The following VPS45 variants were observed in gnomAD, a reference collection of about 807,000 sequenced individuals.
VPS45 encodes the protein vacuolar protein sorting 45 homolog.
A neutral mutation model predicts 75.9 loss-of-function variants in VPS45; 35 were observed. The observed-to-expected ratio is 0.46, with a 90% CI of 0.35 to 0.61. VPS45 has a LOEUF of 0.61. VPS45 is among the 20% of genes least tolerant of loss of function. VPS45 has a pLI of 0.00. For missense variants in VPS45, 559 were observed against 685.9 expected (o/e 0.81, Z 2.07); for synonymous variants, 220 against 238.2 (o/e 0.92, Z 0.70).
chr1:150,074,265 C>T lies in VPS45; in HGVS notation c.290-1968C>T, dbSNP rs587629196. ...CTCAAACTCCTGACCTTGGGTGATA[C>T]GCCCGCTTCAGCCTCCCGAAGTACT... On this transcript the variant is annotated intron_variant, in intron 3 of 14. Coordinates refer to ENST00000644510, the MANE Select transcript of VPS45 (RefSeq NM_007259.5). Among the ~76,000 whole-genome samples the T allele has an allele frequency of 7.2e-5, 11 of 152,042 alleles. No individual in the cohort carries two copies. In the South Asian group the frequency reaches 1.7e-3, roughly 23 times the overall value.
At chr1:150,076,811 T>C (rs1655411227) in intron 4 of VPS45, 105 bp from the exon 5 acceptor site, 1 of 1,249,092 alleles carries the variant, frequency 8.0e-7, no homozygotes, top group Non-Finnish European at 1.2e-6. Context: ...TTTACACCTG[T>C]ATTTCACAAA....
intron 10 of VPS45, among the ~76,000 whole-genome samples, chr1:150,084,911 A>G (rs1271436048): frequency 6.6e-6 from 1 of 150,910 alleles, no homozygotes; most frequent in Non-Finnish European, 1.5e-5. Context: ...TCCTCTAAGC[A>G]TGATTTTTTT....
chr1:150,093,427 A>G lies in VPS45; in HGVS notation c.1372-100A>G. The G allele has an allele frequency of 2.3e-6, 3 of 1,295,300 alleles. No individual in the cohort carries two copies. The South Asian group carries it at 5.8e-5, about 25-fold the overall frequency. The allele number at this position is 1,295,300 out of a possible 1,614,324, so 80.2% of individuals were successfully genotyped here. A position where few individuals can be genotyped will look rare whatever the true frequency, so the allele number is the denominator to read the frequency against. ...CAGTTACGTAAATCTATCCCATGAA[A>G]TCTCTATTGAGTGTATGTCCTTTTC... On this transcript the variant is annotated intron_variant, in intron 12 of 14. Transcript: ENST00000644510.
At position 150,118,433 on chromosome 1, in the gene VPS45, T is replaced by C. The variant is rs939018376; in HGVS notation, c.1625+7806T>C. Among the ~76,000 whole-genome samples the C allele has an allele frequency of 4.6e-5, 7 of 151,606 alleles. No homozygotes were observed. The East Asian group carries it at 1.4e-3, about 30-fold the overall frequency. On this transcript the variant is annotated intron_variant, in intron 14 of 14. Coordinates refer to ENST00000644510, the MANE Select transcript of VPS45 (RefSeq NM_007259.5). The stretch of plus-strand genomic sequence containing the variant: ...ACCTTTTGTTTTTTTGGGGACGGAG[T>C]CTTGCTCTGTCGCCCAGGCTGGAGT...
At chr1:150,087,411 A>G (rs1656074308) in intron 10 of VPS45, among the ~76,000 whole-genome samples, 1 of 152,210 alleles carries the variant, frequency 6.6e-6, no homozygotes, top group Non-Finnish European at 1.5e-5. Context: ...CACAAGGCTG[A>G]TGGAAAATTT....
At chr1:150,110,848 T>G (rs1183182220) in intron 14 of VPS45, among the ~76,000 whole-genome samples, 1 of 152,170 alleles carries the variant, frequency 6.6e-6, no homozygotes, top group Non-Finnish European at 1.5e-5. Context: ...GTCAAAGACC[T>G]AGAAAGTAAG....
intron 14 of VPS45, among the ~76,000 whole-genome samples, chr1:150,134,133 A>G (rs1175791742): frequency 2.6e-5 from 4 of 152,216 alleles, no homozygotes; most frequent in Admixed American, 2.0e-4. Context: ...ATTAGTTAGA[A>G]TCAAGGAAAT....
At chr1:150,116,820 T>C (rs1288062388) in intron 14 of VPS45, among the ~76,000 whole-genome samples, 3 of 152,210 alleles carry the variant, frequency 2.0e-5, no homozygotes, top group African/African-American at 7.2e-5. Context: ...TCTCACTATT[T>C]GTAGCCTTAT....
chr1:150,092,329 G>A lies in VPS45; in HGVS notation c.1291G>A (p.Gly431Ser). ...CGTGTCTGCAGTTGTTGAATATGGTGGTAAACGAGTCAGAGGAAGTGACCT... is the reference window on the plus strand; with the variant it reads ...CGTGTCTGCAGTTGTTGAATATGGTAGTAAACGAGTCAGAGGAAGTGACCT... Reference protein sequence around the residue: ...KLVSAVVEYGGKRVRGSDLFS... With the variant: ...KLVSAVVEYGSKRVRGSDLFS... The change falls in exon 12 of 15, where the codon GGT becomes AGT. Residue 431 changes from glycine to serine, a missense_variant. By Grantham distance (56) the Gly-to-Ser change is moderately conservative. Transcript: ENST00000644510. 1 of 1,614,020 alleles carries A rather than the reference G, an allele frequency of 6.2e-7. No homozygotes were observed. The highest frequency in any genetic ancestry group is 8.5e-7 in the Non-Finnish European group (1 of 1,179,976).
rs115802109 is a variant in VPS45 at position 150,081,307 on chromosome 1, T to C, written c.688-35T>C. 0.042 allele frequency: 66,599 copies of C among 1,567,842 alleles called. 1,664 individuals carry two copies. The highest frequency in any genetic ancestry group is 0.049 in the Non-Finnish European group (56,482 of 1,164,234). On this transcript the variant is annotated intron_variant, in intron 7 of 14. Transcript: ENST00000644510. ...GAACGTTTACTATTTCCATATTCTGTCAGTTACCTTTTTTTTTCATAATTC... is the reference window on the plus strand; with the variant it reads ...GAACGTTTACTATTTCCATATTCTGCCAGTTACCTTTTTTTTTCATAATTC...
Position 150,077,221 on chromosome 1 carries a change from A to C in VPS45, c.566A>C (p.Glu189Ala). ...LSSEAAKRLAECVKQVITKEY... is the reference protein window; with the variant it reads ...LSSEAAKRLAACVKQVITKEY... ...TCAGAGGCAGCAAAGAGACTTGCAG[A>C]GTGCGTTAAGGTATGGCATTACCTA... Residue 189 changes from glutamate to alanine, a missense_variant, in exon 6 of 15, where the codon GAG (glutamate) becomes GCG (alanine). Glu to Ala is a moderately radical substitution (Grantham distance 107). Coordinates refer to ENST00000644510, the MANE Select transcript of VPS45 (RefSeq NM_007259.5). 6.2e-7 allele frequency: 1 copy of C among 1,613,682 alleles called. No individual in the cohort carries two copies. Among genetic ancestry groups the C allele is most frequent in the South Asian group, 1.1e-5 (1 of 90,952 alleles).
At chr1:150,080,232 G>T (rs1050547547) in intron 7 of VPS45, among the ~76,000 whole-genome samples, 4 of 150,192 alleles carry the variant, frequency 2.7e-5, no homozygotes, top group African/African-American at 9.8e-5. Flanking sequence ...TACAACCTCC[G>T]CCTCCTGGGT....
At chr1:150,141,443 A>C (rs782472642) in intron 14 of VPS45, among the ~76,000 whole-genome samples, 13 of 152,216 alleles carry the variant, frequency 8.5e-5, no homozygotes, top group Admixed American at 2.6e-4. Flanking sequence ...TTGTTTAGGA[A>C]TAGAAACACA....
Position 150,088,335 on chromosome 1 carries a change from CCTT to C in VPS45, c.1105-3599_1105-3597del, listed in dbSNP as rs369938639. Among the ~76,000 whole-genome samples the C allele has an allele frequency of 6.9e-3, 1,049 of 151,574 alleles. 8 individuals carry two copies. Among genetic ancestry groups the C allele is most frequent in the Middle Eastern group, 0.034 (10 of 294 alleles). Reference sequence around the variant, plus strand: ...ATGAGTAAGATCGTGCACTATTTGTCCTTCTGTGTCTGATTTATTTCACTTAAT... The same window carrying C: ...ATGAGTAAGATCGTGCACTATTTGTCCTGTGTCTGATTTATTTCACTTAAT... On this transcript the variant is annotated intron_variant, in intron 10 of 14. Coordinates refer to ENST00000644510, the MANE Select transcript of VPS45 (RefSeq NM_007259.5).
intron 3 of VPS45, among the ~76,000 whole-genome samples, 156 bp from the exon 4 acceptor site, chr1:150,076,077 T>TATATATATATATATATATATATATATAA (rs1313052333): frequency 2.3e-4 from 34 of 148,768 alleles, no homozygotes; most frequent in African/African-American, 8.5e-4. Context: ...TATATATATA[T>TATATATATATATATATATATATATATAA]ATATATAAAA....
chr1:150,101,972 C>A (rs1157265661), intron 13 of VPS45, among the ~76,000 whole-genome samples: 2 of 152,062 alleles, frequency 1.3e-5, no homozygotes, highest in African/African-American at 4.8e-5. Context: ...CACGGTGGCT[C>A]ACGCCTGTAA....
At chr1:150,109,675 T>C (rs1255623688) in intron 13 of VPS45, 4 of 152,190 alleles carry the variant, frequency 2.6e-5, no homozygotes, top group Non-Finnish European at 5.9e-5. Flanking sequence ...TGAAAATAAT[T>C]TGATCTCCTT....
At position 150,076,319 on chromosome 1, in the gene VPS45, A is replaced by G. The variant is rs2101515804; in HGVS notation, c.369+7A>G. 6.3e-7 allele frequency: 1 copy of G among 1,599,836 alleles called. No individual in the cohort carries two copies. Among genetic ancestry groups the G allele is most frequent in the Non-Finnish European group, 8.5e-7 (1 of 1,171,690 alleles). ...AGTTGTGGCTGAGGTTCAGGTAAAC[A>G]TATTGGTCCTGTAACACATCTCGTA... is the stretch of plus-strand genomic sequence containing the variant. On this transcript the variant is annotated splice_region_variant and intron_variant, in intron 4 of 14. Transcript: ENST00000644510.
intron 7 of VPS45, among the ~76,000 whole-genome samples, chr1:150,079,346 GT>G (rs782591245): frequency 6.6e-6 from 1 of 152,236 alleles, no homozygotes; most frequent in Non-Finnish European, 1.5e-5. Context: ...TCTCACCAGT[GT>G]TTTTTCTCCT....
Sources: gnomAD v4.1 joint callset for allele counts (sites outside exome capture counted in the v4.1 genomes callset) on GRCh38, gnomAD v4.1.1 for gene constraint, MANE v1.5 for transcripts, NCBI Gene and HGNC (gene_info 2026-07-23, HGNC 2026-07-21) for gene names.